The following ADGRV1 variants were observed in gnomAD, a reference collection of about 807,000 sequenced individuals.
ADGRV1 encodes the protein G-protein coupled receptor 98.
A neutral mutation model predicts 596.2 loss-of-function variants in ADGRV1; 359 were observed. The ratio of observed to expected loss-of-function variants is 0.60; its 90% confidence interval spans 0.55 to 0.66. ADGRV1 has a LOEUF of 0.66. Among genes scored for constraint, ADGRV1 ranks in the 30% least tolerant of loss-of-function variants. ADGRV1 has a pLI of 0.00. For missense variants in ADGRV1, 7,274 were observed against 7,575.6 expected (o/e 0.96, Z 1.48); for synonymous variants, 2,681 against 2,679.2 (o/e 1.00, Z -0.02).
intron 45 of ADGRV1, among the ~76,000 whole-genome samples, chr5:90,723,923 C>T (rs369984128): frequency 6.7e-6 from 1 of 150,056 alleles, no homozygotes; most frequent in African/African-American, 2.5e-5. Context: ...TATTTTTGCC[C>T]TTTTTTTTTC....
intron 30 of ADGRV1, 44 bp downstream of exon 30, chr5:90,690,120 A>G (rs375464661): frequency 3.8e-6 from 4 of 1,058,390 alleles, no homozygotes; most frequent in Middle Eastern, 2.1e-4. Context: ...GTCTGCATGT[A>G]TAGATCATAG....
intron 76 of ADGRV1, among the ~76,000 whole-genome samples, chr5:90,826,598 C>T (rs1165772773): frequency 6.6e-6 from 1 of 151,754 alleles, no homozygotes; most frequent in Non-Finnish European, 1.5e-5. Flanking sequence ...AGAGTTGGCC[C>T]TTCATAAGAG....
intron 87 of ADGRV1, among the ~76,000 whole-genome samples, chr5:91,102,747 C>G (rs1317160751): frequency 6.6e-6 from 1 of 152,176 alleles, no homozygotes; most frequent in African/African-American, 2.4e-5. Flanking sequence ...GCAGTCCCCT[C>G]TTAAGTGTGA....
intron 28 of ADGRV1, among the ~76,000 whole-genome samples, chr5:90,685,526 G>A (rs1050452291): frequency 1.3e-5 from 2 of 151,698 alleles, no homozygotes; most frequent in African/African-American, 4.8e-5. Context: ...CGGAGGTTGT[G>A]GTGAGCCAAG....
rs2150189051 is a variant in ADGRV1, at chr5:90,802,759, T to C, written c.14538T>C (p.Ser4846=). ...IKNQVFLSLG[S]NFTLQLVTVM... ...TATAGGTCTTCCTATCACTGGGCTCTAATTTCACTTTGCAACTGGTGACTG... is the reference window on the plus strand; with the variant it reads ...TATAGGTCTTCCTATCACTGGGCTCCAATTTCACTTTGCAACTGGTGACTG... The change falls in exon 71 of 90, where the codon TCT becomes TCC. Residue 4846 remains serine (S), a synonymous_variant. Coordinates refer to ENST00000405460, the MANE Select transcript of ADGRV1 (RefSeq NM_032119.4). The C allele has an allele frequency of 6.2e-7, 1 of 1,612,694 alleles. No homozygotes were observed. The highest frequency in any genetic ancestry group is 8.5e-7 in the Non-Finnish European group (1 of 1,179,238).
At chr5:90,994,544 T>G (rs1781254188) in intron 85 of ADGRV1, among the ~76,000 whole-genome samples, 1 of 152,238 alleles carries the variant, frequency 6.6e-6, no homozygotes, top group Non-Finnish European at 1.5e-5. Flanking sequence ...TCAGTAAATC[T>G]AACATCTGGG....
chr5:90,658,398 T>A, intron 21 of ADGRV1, 120 bp downstream of exon 21: 2 of 819,940 alleles, frequency 2.4e-6, no homozygotes, highest in Non-Finnish European at 3.5e-6. Flanking sequence ...TCCAGAAGTA[T>A]GCTAGGGCCA....
chr5:91,046,442 G>T (rs571756447), intron 85 of ADGRV1, among the ~76,000 whole-genome samples: 1 of 152,096 alleles, frequency 6.6e-6, no homozygotes, highest in Non-Finnish European at 1.5e-5. Context: ...AATGGTGCTG[G>T]GATAATTGGC....
chr5:90,621,535 C>A (rs1373487218), intron 4 of ADGRV1, among the ~76,000 whole-genome samples: 2 of 152,186 alleles, frequency 1.3e-5, no homozygotes, highest in Non-Finnish European at 2.9e-5. Flanking sequence ...CTAAATTTCT[C>A]TCCATGTGGC....
chr5:90,694,814 A>G (rs999958907), intron 33 of ADGRV1, 113 bp downstream of exon 33: 41 of 1,034,038 alleles, frequency 4.0e-5, no homozygotes, highest in African/African-American at 6.5e-5. Flanking sequence ...AATATACAGA[A>G]ATGTAGTTTG....
At chr5:91,128,614 A>T (rs78017107) in intron 87 of ADGRV1, among the ~76,000 whole-genome samples, 2 of 152,224 alleles carry the variant, frequency 1.3e-5, no homozygotes, top group Admixed American at 1.3e-4. Context: ...ATGTTGGCAC[A>T]TCCTAAATTC....
intron 82 of ADGRV1, among the ~76,000 whole-genome samples, chr5:90,856,162 G>A (rs2150418794): frequency 1.3e-5 from 2 of 152,286 alleles, no homozygotes; most frequent in Middle Eastern, 6.8e-3. Flanking sequence ...ATAGAAGCTA[G>A]ATAATAGGTA....
intron 1 of ADGRV1, among the ~76,000 whole-genome samples, chr5:90,582,518 G>A (rs1162715669): frequency 1.3e-5 from 2 of 151,884 alleles, no homozygotes; most frequent in Non-Finnish European, 2.9e-5. Context: ...GTGACTCCTG[G>A]TCTTTTTAAT....
intron 85 of ADGRV1, among the ~76,000 whole-genome samples, chr5:91,010,220 T>C (rs1782611356): frequency 6.6e-6 from 1 of 152,046 alleles, no homozygotes; most frequent in African/African-American, 2.4e-5. Context: ...TCCTTAGAAA[T>C]AAATAATGAG....
At chr5:90,721,576 T>TAAAATAAAATAAATAAAATAAAAA (rs1554094713) in intron 45 of ADGRV1, among the ~76,000 whole-genome samples, 1 of 119,916 alleles carries the variant, frequency 8.3e-6, no homozygotes, top group Non-Finnish European at 1.8e-5. Flanking sequence ...TAAAATAAAA[T>TAAAATAAAATAAATAAAATAAAAA]AAAATAAAAT....
chr5:90,823,423 A>C lies in ADGRV1; in HGVS notation c.16197-2A>C, dbSNP rs1561805684. 1.2e-6 allele frequency: 2 copies of C among 1,613,286 alleles called. No homozygotes were observed. Among genetic ancestry groups the C allele is most frequent in the South Asian group, 2.2e-5 (2 of 90,764 alleles). ...AGGCATTGGTGGGTTTCTTGCTCAC[A>C]GGGCCTTTGAAGATGTCAAGGTCTT... On this transcript the variant is annotated splice_acceptor_variant, in intron 75 of 89. Transcript: ENST00000405460. LOFTEE classifies it high-confidence loss of function.
chr5:90,704,755 T>C (rs942137915), intron 36 of ADGRV1, among the ~76,000 whole-genome samples: 14 of 152,160 alleles, frequency 9.2e-5, no homozygotes, highest in African/African-American at 3.1e-4. Flanking sequence ...TTTTTGAAAT[T>C]AATTTGAGAC....
chr5:90,752,274 T>C (rs999069747), intron 53 of ADGRV1, among the ~76,000 whole-genome samples: 6 of 152,222 alleles, frequency 3.9e-5, no homozygotes, highest in Admixed American at 1.3e-4. Flanking sequence ...CCTCTGATTT[T>C]ATTAATAAAG....
At chr5:91,075,745 A>T (rs1199269921) in intron 86 of ADGRV1, among the ~76,000 whole-genome samples, 2 of 152,096 alleles carry the variant, frequency 1.3e-5, no homozygotes, top group African/African-American at 4.8e-5. Context: ...TCTACATTTT[A>T]AAAATATAAA....
Sources: allele counts gnomAD v4.1 joint callset (sites outside exome capture counted in the v4.1 genomes callset), GRCh38; gene constraint gnomAD v4.1.1; transcripts MANE v1.5; gene names NCBI Gene and HGNC (gene_info 2026-07-23, HGNC 2026-07-21).